RNGTT: variants seen among roughly 807,000 people sequenced by gnomAD.
The protein encoded by RNGTT is RNA guanylyltransferase and 5'-phosphatase.
In RNGTT, 33 loss-of-function variants were observed where a neutral mutation model predicts 79.3. That is an observed-to-expected ratio of 0.42 (90% CI 0.32 to 0.56). The LOEUF is 0.56. Ranked by LOEUF, RNGTT falls within the 20% of genes least tolerant of loss-of-function variation. The pLI, the probability that RNGTT is intolerant of heterozygous loss-of-function variation, is 0.17. For synonymous variants in RNGTT, 222 were observed against 235.9 expected (o/e 0.94, Z 0.54); for missense variants, 497 against 739.1 (o/e 0.67, Z 3.80).
At chr6:88,841,283 T>C (rs559812352) in intron 11 of RNGTT, among the ~76,000 whole-genome samples, 1 of 152,278 alleles carries the variant, frequency 6.6e-6, no homozygotes, top group South Asian at 2.1e-4. Flanking sequence ...AAGCAGGTGT[T>C]ACACAAAATC....
intron 11 of RNGTT, among the ~76,000 whole-genome samples, chr6:88,816,505 C>T (rs1026998712): frequency 5.9e-5 from 9 of 152,070 alleles, no homozygotes; most frequent in African/African-American, 2.2e-4. Context: ...ATGAACAGAA[C>T]GAGTGGGACA....
chr6:88,783,712 A>G (rs145144406), intron 12 of RNGTT, among the ~76,000 whole-genome samples: 3 of 152,308 alleles, frequency 2.0e-5, no homozygotes, highest in African/African-American at 7.2e-5. Flanking sequence ...TTTAACAGCA[A>G]TACTACTGAC....
chr6:88,788,084 C>T (rs1361995483), intron 12 of RNGTT, among the ~76,000 whole-genome samples: 1 of 152,186 alleles, frequency 6.6e-6, no homozygotes, highest in South Asian at 2.1e-4. Context: ...AAGCTGGGAA[C>T]TGTCTGTATT....
chr6:88,956,556 T>C (rs1785437664), intron 1 of RNGTT, among the ~76,000 whole-genome samples: 1 of 152,078 alleles, frequency 6.6e-6, no homozygotes, highest in Admixed American at 6.6e-5. Context: ...CCAGTATCAC[T>C]CTAATACCAA....
chr6:88,856,817 C>A (rs1781860772), intron 8 of RNGTT, among the ~76,000 whole-genome samples: 1 of 152,090 alleles, frequency 6.6e-6, no homozygotes, highest in Admixed American at 6.6e-5. Flanking sequence ...CTGAAAGCAG[C>A]CAGATTCTTT....
chr6:88,893,080 T>C (rs1748037931), intron 6 of RNGTT, among the ~76,000 whole-genome samples: 1 of 152,132 alleles, frequency 6.6e-6, no homozygotes, highest in Non-Finnish European at 1.5e-5. Context: ...CCAATGGCAT[T>C]TCTGTTTAAA....
At chr6:88,901,040 G>C (rs1213149327) in intron 6 of RNGTT, among the ~76,000 whole-genome samples, 1 of 151,660 alleles carries the variant, frequency 6.6e-6, no homozygotes, top group Non-Finnish European at 1.5e-5. Context: ...TACTTGGGAG[G>C]CTGAGGCAGG....
chr6:88,841,265 C>T (rs893843209), intron 11 of RNGTT, among the ~76,000 whole-genome samples: 1 of 152,060 alleles, frequency 6.6e-6, no homozygotes, highest in Non-Finnish European at 1.5e-5. Context: ...AACCAAAATT[C>T]CCATGCCAAG....
At chr6:88,754,360 C>A (rs986299879) in intron 13 of RNGTT, among the ~76,000 whole-genome samples, 1 of 152,166 alleles carries the variant, frequency 6.6e-6, no homozygotes, top group African/African-American at 2.4e-5. Flanking sequence ...ATGTGCCTGA[C>A]CTTCCTATGG....
At chr6:88,855,438 A>C (rs1430498095) in intron 8 of RNGTT, among the ~76,000 whole-genome samples, 2 of 151,450 alleles carry the variant, frequency 1.3e-5, no homozygotes, top group Non-Finnish European at 2.9e-5. Context: ...AAAGGGGCTT[A>C]TGTTTTTGGA....
intron 11 of RNGTT, among the ~76,000 whole-genome samples, chr6:88,832,459 A>T (rs1210918923): frequency 6.6e-6 from 1 of 152,224 alleles, no homozygotes; most frequent in East Asian, 1.9e-4. Flanking sequence ...ACTTAAACAT[A>T]AGACCTAAAC....
At chr6:88,768,139 AGT>A (rs71021394) in intron 13 of RNGTT, among the ~76,000 whole-genome samples, 3,568 of 148,712 alleles carry the variant, frequency 0.024, 108 homozygotes, top group African/African-American at 0.079. Context: ...ATTTAGGGAT[AGT>A]GTGTGTGTGT....
chr6:88,628,061 G>T (rs1026126002), intron 14 of RNGTT, among the ~76,000 whole-genome samples: 2 of 152,024 alleles, frequency 1.3e-5, no homozygotes, highest in African/African-American at 4.8e-5. Context: ...TATTGACAAA[G>T]GCATTACGTA....
chr6:88,801,653 T>C, intron 11 of RNGTT, 21 bp from the exon 12 acceptor site: 1 of 1,492,552 alleles, frequency 6.7e-7, no homozygotes. Flanking sequence ...AATACACATG[T>C]ATTCTTTAAA....
intron 1 of RNGTT, among the ~76,000 whole-genome samples, chr6:88,963,074 T>A (rs535609550): frequency 6.6e-6 from 1 of 152,102 alleles, no homozygotes; most frequent in Non-Finnish European, 1.5e-5. Context: ...GCCCACTGTA[T>A]TCCTGGATCC....
chr6:88,707,125 C>T (rs1011755354), intron 13 of RNGTT, among the ~76,000 whole-genome samples: 4 of 152,108 alleles, frequency 2.6e-5, no homozygotes, highest in African/African-American at 4.8e-5. Context: ...CACTAATAAT[C>T]ATTTACATTT....
intron 8 of RNGTT, among the ~76,000 whole-genome samples, chr6:88,883,386 T>C (rs1782754098): frequency 6.6e-6 from 1 of 152,104 alleles, no homozygotes; most frequent in Non-Finnish European, 1.5e-5. Context: ...TTATAAAACA[T>C]ACTGCAAAGA....
chr6:88,709,976 A>G (rs1438885523), intron 13 of RNGTT, among the ~76,000 whole-genome samples: 2 of 152,248 alleles, frequency 1.3e-5, no homozygotes, highest in African/African-American at 2.4e-5. Context: ...AACAAATGCA[A>G]TTGAAATTGC....
chr6:88,946,836 G>C (rs1388542007), intron 1 of RNGTT, among the ~76,000 whole-genome samples: 1 of 142,408 alleles, frequency 7.0e-6, no homozygotes, highest in Non-Finnish European at 1.5e-5. Flanking sequence ...GGTGGAGATG[G>C]GGTTTCGCTG....
Sources: allele counts gnomAD v4.1 joint callset (sites outside exome capture counted in the v4.1 genomes callset), GRCh38; gene constraint gnomAD v4.1.1; transcripts MANE v1.5; gene names NCBI Gene and HGNC (gene_info 2026-07-23, HGNC 2026-07-21).